Variants in EPB41L3 observed in about 807,000 individuals in gnomAD.
EPB41L3 encodes erythrocyte membrane protein band 4.1 like 3.
Under a neutral mutation model 127.1 loss-of-function variants are expected in EPB41L3, and 57 were observed. The ratio of observed to expected loss-of-function variants is 0.45; its 90% CI spans 0.36 to 0.56. The LOEUF is 0.56. Ranked by LOEUF, EPB41L3 falls within the 20% of genes least tolerant of loss-of-function variation. The pLI is 0.00. For missense variants in EPB41L3, 1,273 were observed against 1,372.2 expected, an observed-to-expected ratio of 0.93 and a Z score of 1.14; for synonymous variants, 572 against 549.5, an observed-to-expected ratio of 1.04 and a Z score of -0.57.
At chr18:5,516,108 G>A (rs940174893) in intron 1 of EPB41L3, among the ~76,000 whole-genome samples, 5 of 152,166 alleles carry the variant, frequency 3.3e-5, no homozygotes, top group Admixed American at 6.6e-5. Flanking sequence ...CCCAGGTGCC[G>A]CAGATGCCCT....
At chr18:5,408,646 G>GTT (rs564636469) in intron 14 of EPB41L3, among the ~76,000 whole-genome samples, 10 of 140,572 alleles carry the variant, frequency 7.1e-5, no homozygotes, top group African/African-American at 5.2e-5. Context: ...AACTAAGAAA[G>GTT]TTTTTTTTTT....
chr18:5,507,816 C>T (rs1004794054), intron 1 of EPB41L3, among the ~76,000 whole-genome samples: 15 of 152,174 alleles, frequency 9.9e-5, no homozygotes, highest in African/African-American at 3.6e-4. Context: ...ATTACCTCCT[C>T]CTTTAGAGCT....
At chr18:5,510,131 T>C (rs759828016) in intron 1 of EPB41L3, among the ~76,000 whole-genome samples, 9 of 152,202 alleles carry the variant, frequency 5.9e-5, no homozygotes, top group Non-Finnish European at 2.9e-5. Flanking sequence ...GTGATTTTGT[T>C]ATAAAACTAG....
intron 3 of EPB41L3, among the ~76,000 whole-genome samples, chr18:5,586,563 C>A (rs201396956): frequency 1.0e-5 from 1 of 100,050 alleles, no homozygotes; most frequent in Non-Finnish European, 2.2e-5. Flanking sequence ...CCATACATGA[C>A]TATTTTTTTT....
chr18:5,622,926 G>A (rs2094879746), intron 1 of EPB41L3, among the ~76,000 whole-genome samples: 1 of 145,084 alleles, frequency 6.9e-6, no homozygotes, highest in African/African-American at 2.5e-5. Context: ...TACAGAGACA[G>A]AGAGATTTGT....
At chr18:5,556,724 C>T (rs1028228610) in intron 3 of EPB41L3, among the ~76,000 whole-genome samples, 46 of 152,162 alleles carry the variant, frequency 3.0e-4, no homozygotes, top group Admixed American at 2.6e-3. Context: ...AACATGGAGT[C>T]CACAGACCTG....
intron 1 of EPB41L3, among the ~76,000 whole-genome samples, chr18:5,507,371 C>T (rs2092275626): frequency 6.6e-6 from 1 of 152,020 alleles, no homozygotes; most frequent in Admixed American, 6.5e-5. Context: ...AAAGGATTAA[C>T]AATAAAAGCC....
chr18:5,616,113 GAAC>G (rs2094791899), intron 1 of EPB41L3, among the ~76,000 whole-genome samples: 1 of 152,038 alleles, frequency 6.6e-6, no homozygotes, highest in Non-Finnish European at 1.5e-5. Context: ...CAAAAATATA[GAAC>G]AATGACAGCA....
At chr18:5,396,859 T>C (rs1598416096) in intron 18 of EPB41L3, among the ~76,000 whole-genome samples, 199 bp downstream of exon 18, 1 of 152,096 alleles carries the variant, frequency 6.6e-6, no homozygotes, top group Non-Finnish European at 1.5e-5. Context: ...TTAAGAGATA[T>C]GTTTGCATGT....
Position 5,397,389 on chromosome 18 carries a change from G to A in EPB41L3, c.2510C>T (p.Thr837Met), listed in dbSNP as rs143141379. ...ETKTESSGIE[T>M]EPTVHHLPLS... is the part of the protein sequence containing the mutation. Reference sequence around the variant, plus strand: ...CGGCAGGTGGTGCACGGTGGGTTCCGTCTCTATTCCACTGGACTCCGTCTT... The same window carrying A: ...CGGCAGGTGGTGCACGGTGGGTTCCATCTCTATTCCACTGGACTCCGTCTT... The change falls in exon 18 of 23, where the codon ACG (threonine) becomes ATG (methionine). Residue 837 changes from threonine (T) to methionine (M), a missense_variant. Thr to Met is a moderately conservative substitution (Grantham distance 81, BLOSUM62 -1). Coordinates refer to ENST00000341928, the MANE Select transcript of EPB41L3 (RefSeq NM_012307.5). The surrounding 1 kb of genome is among the most constrained non-coding windows in gnomAD (Gnocchi z 4.1). The A allele has an allele frequency of 4.5e-5, 73 of 1,613,636 alleles. 1 individual carries two copies. In the Middle Eastern group the frequency reaches 8.3e-4, roughly 18 times the overall value.
At chr18:5,443,658 G>A (rs1256980654) in intron 5 of EPB41L3, among the ~76,000 whole-genome samples, 180 bp downstream of exon 5, 1 of 152,116 alleles carries the variant, frequency 6.6e-6, no homozygotes, top group Non-Finnish European at 1.5e-5. Context: ...CAAGCATCAC[G>A]GTCCCTTTAA....
chr18:5,528,874 AGACATG>A (rs1367063557), intron 1 of EPB41L3: 1 of 152,410 alleles, frequency 6.6e-6, no homozygotes, highest in African/African-American at 2.4e-5. Context: ...CTGGGATTAC[AGACATG>A]AGCTACCGCA....
chr18:5,464,279 A>G (rs1473462816), intron 3 of EPB41L3, among the ~76,000 whole-genome samples: 3 of 152,180 alleles, frequency 2.0e-5, no homozygotes, highest in Non-Finnish European at 4.4e-5. Flanking sequence ...CTAACAATTA[A>G]TATCTACCTG....
chr18:5,496,059 A>G (rs1312502912), intron 1 of EPB41L3, among the ~76,000 whole-genome samples: 1 of 152,246 alleles, frequency 6.6e-6, no homozygotes, highest in Non-Finnish European at 1.5e-5. Flanking sequence ...GGTTTTATTT[A>G]GTTCACTGAA....
At chr18:5,505,918 A>C (rs971905750) in intron 1 of EPB41L3, among the ~76,000 whole-genome samples, 12 of 61,776 alleles carry the variant, frequency 1.9e-4, no homozygotes, top group South Asian at 1.1e-3. Flanking sequence ...CTCCATCCCC[A>C]CCCTCCACAC....
intron 3 of EPB41L3, among the ~76,000 whole-genome samples, chr18:5,458,402 T>C (rs1451688728): frequency 5.3e-5 from 8 of 152,178 alleles, no homozygotes; most frequent in African/African-American, 1.9e-4. Flanking sequence ...CTTCACAATA[T>C]AGAAAAATAC....
chr18:5,423,258 A>C, intron 11 of EPB41L3, 120 bp downstream of exon 11: 1 of 1,075,890 alleles, frequency 9.3e-7, no homozygotes, highest in Non-Finnish European at 1.2e-6. Flanking sequence ...GTCAATAAGC[A>C]ACAACTGCTT....
chr18:5,567,937 T>A (rs982094858), intron 3 of EPB41L3, among the ~76,000 whole-genome samples: 1 of 152,090 alleles, frequency 6.6e-6, no homozygotes, highest in Non-Finnish European at 1.5e-5. Context: ...GAATGAAAAA[T>A]TAAATTTAAA....
At chr18:5,433,253 T>A (rs1453469068) in intron 8 of EPB41L3, among the ~76,000 whole-genome samples, 1 of 151,982 alleles carries the variant, frequency 6.6e-6, no homozygotes, top group African/African-American at 2.4e-5. Flanking sequence ...TGCCCAGGAG[T>A]AATGCAAGTT....
Sources: allele counts gnomAD v4.1 joint callset (sites outside exome capture counted in the v4.1 genomes callset), GRCh38; gene constraint gnomAD v4.1.1; non-coding constraint Gnocchi (gnomAD v3.1); transcripts MANE v1.5; gene names NCBI Gene and HGNC (gene_info 2026-07-23, HGNC 2026-07-21).